HDAC9: variants seen among roughly 807,000 people sequenced by gnomAD.
HDAC9 encodes MEF-2 interacting transcription repressor (MITR) protein.
In HDAC9, 41 loss-of-function variants were observed where a neutral mutation model predicts 139.4. That is an observed-to-expected ratio of 0.29 (90% CI 0.23 to 0.38). The LOEUF (loss-of-function observed/expected upper bound fraction) is 0.38, where lower values mean the gene tolerates loss of function less well. Among genes scored for constraint, HDAC9 ranks in the 10% least tolerant of loss-of-function variants. The probability of loss-of-function intolerance (pLI) is 1.00; values close to 1 mark genes in which losing one functional copy is unlikely to be tolerated. For missense variants in HDAC9, 1,147 were observed against 1,297.0 expected, an observed-to-expected ratio of 0.88 and a Z score of 1.78; for synonymous variants, 517 against 476.2, an observed-to-expected ratio of 1.09 and a Z score of -1.12.
chr7:18,464,923 A>G (rs1272511576), intron 1 of HDAC9, among the ~76,000 whole-genome samples: 1 of 152,024 alleles, frequency 6.6e-6, no homozygotes, highest in African/African-American at 2.4e-5. Flanking sequence ...CCAAGGGTCA[A>G]TGTGATACCA....
At chr7:18,239,129 G>GT (rs913836315) in intron 2 of HDAC9, among the ~76,000 whole-genome samples, 5 of 151,518 alleles carry the variant, frequency 3.3e-5, no homozygotes, top group Admixed American at 1.3e-4. Flanking sequence ...TCTTATTTTT[G>GT]TTTTTTTTTT....
intron 1 of HDAC9, among the ~76,000 whole-genome samples, chr7:18,341,478 A>G (rs1196533484): frequency 6.6e-6 from 1 of 151,576 alleles, no homozygotes; most frequent in Non-Finnish European, 1.5e-5. Flanking sequence ...CTGTTGCTGT[A>G]TCTTCAGGTA....
At chr7:18,629,279 T>TTAA in intron 6 of HDAC9, 71 bp from the exon 7 acceptor site, 1 of 1,330,444 alleles carries the variant, frequency 7.5e-7, no homozygotes, top group Non-Finnish European at 1.0e-6. Context: ...TTTTTTTTTT[T>TTAA]AACACATGAG....
At chr7:18,270,294 T>TAAA (rs34590978) in intron 2 of HDAC9, among the ~76,000 whole-genome samples, 11 of 148,298 alleles carry the variant, frequency 7.4e-5, no homozygotes, top group African/African-American at 1.5e-4. Flanking sequence ...TTGTAGAAAT[T>TAAA]AAACAAAAAA....
intron 1 of HDAC9, among the ~76,000 whole-genome samples, chr7:18,093,120 A>G (rs1782271517): frequency 6.6e-6 from 1 of 152,180 alleles, no homozygotes; most frequent in Non-Finnish European, 1.5e-5. Context: ...CCTGTGCTCT[A>G]AGCACTTTGC....
At chr7:18,986,980 G>C (rs949551825) in intron 25 of HDAC9, among the ~76,000 whole-genome samples, 6 of 152,106 alleles carry the variant, frequency 3.9e-5, no homozygotes, top group Admixed American at 6.6e-5. Flanking sequence ...GAGAGAATGG[G>C]GTTTTCTAGA....
intron 1 of HDAC9, among the ~76,000 whole-genome samples, chr7:18,467,062 A>G (rs1398071751): frequency 6.6e-6 from 1 of 152,184 alleles, no homozygotes; most frequent in Non-Finnish European, 1.5e-5. Flanking sequence ...TCTGCCCACA[A>G]GACCCATCTG....
chr7:18,862,154 C>G (rs969920065), intron 21 of HDAC9, among the ~76,000 whole-genome samples: 2 of 152,190 alleles, frequency 1.3e-5, no homozygotes, highest in Admixed American at 6.5e-5. Flanking sequence ...GAAAGACACA[C>G]TTTAGAATCG....
chr7:18,508,070 T>C (rs554661991), intron 2 of HDAC9, among the ~76,000 whole-genome samples: 14 of 152,270 alleles, frequency 9.2e-5, no homozygotes, highest in African/African-American at 3.4e-4. Context: ...ACCAACCATA[T>C]GACACAGAAG....
chr7:18,312,703 G>C (rs549916058), intron 1 of HDAC9, among the ~76,000 whole-genome samples: 1 of 152,200 alleles, frequency 6.6e-6, no homozygotes, highest in East Asian at 1.9e-4. Context: ...TGTTGAATTA[G>C]GTCAGGTTTG....
intron 6 of HDAC9, among the ~76,000 whole-genome samples, chr7:18,595,978 A>C (rs1039349966): frequency 1.3e-5 from 2 of 152,086 alleles, no homozygotes; most frequent in African/African-American, 4.8e-5. Flanking sequence ...AATCCTTCTC[A>C]GGATATATAT....
rs552061288 is a variant in HDAC9, at chr7:18,882,411, C to T, written c.2803+7815C>T. Among the ~76,000 whole-genome samples, 21 of 152,080 alleles carry T rather than the reference C, an allele frequency of 1.4e-4. No individual in the cohort carries two copies. The South Asian group carries it at 3.5e-3, about 26-fold the overall frequency. ...TAACAGTGGGCCTTGGGCAAAAGTG[C>T]GGAGACCCAGCTGTTAACACCTGCT... On this transcript the variant is annotated intron_variant, in intron 22 of 25. Transcript: ENST00000686413.
intron 1 of HDAC9, among the ~76,000 whole-genome samples, chr7:18,124,532 C>G (rs1328599620): frequency 3.9e-5 from 6 of 152,248 alleles, no homozygotes; most frequent in South Asian, 2.1e-4. Flanking sequence ...TCCCAGATAT[C>G]TTATGTTTTT....
At chr7:18,915,978 CTT>C (rs1803159540) in intron 22 of HDAC9, among the ~76,000 whole-genome samples, 1 of 142,890 alleles carries the variant, frequency 7.0e-6, no homozygotes, top group Non-Finnish European at 1.5e-5. Context: ...GCCTTTGTGA[CTT>C]TTTCTGTACT....
chr7:18,538,676 A>G (rs1359121779), intron 2 of HDAC9, among the ~76,000 whole-genome samples: 1 of 152,200 alleles, frequency 6.6e-6, no homozygotes, highest in East Asian at 1.9e-4. Flanking sequence ...TATGCTTGCA[A>G]TAGCATAGTC....
At chr7:18,261,095 G>C (rs186976044) in intron 2 of HDAC9, among the ~76,000 whole-genome samples, 1 of 152,020 alleles carries the variant, frequency 6.6e-6, no homozygotes, top group Non-Finnish European at 1.5e-5. Context: ...TTGAGCCTAG[G>C]AGTTTGAGAC....
chr7:18,342,837 T>C (rs1030963050), intron 1 of HDAC9, among the ~76,000 whole-genome samples: 1 of 151,858 alleles, frequency 6.6e-6, no homozygotes, highest in Non-Finnish European at 1.5e-5. Context: ...TTAAACAAGC[T>C]GAATATTTGC....
intron 1 of HDAC9, among the ~76,000 whole-genome samples, chr7:18,431,133 G>C (rs1055729454): frequency 6.6e-6 from 1 of 152,018 alleles, no homozygotes; most frequent in Admixed American, 6.6e-5. Flanking sequence ...GCCTTGTGAT[G>C]CACCTACTGT....
chr7:18,651,964 G>T (rs112375776), intron 11 of HDAC9, among the ~76,000 whole-genome samples: 2 of 152,076 alleles, frequency 1.3e-5, no homozygotes, highest in African/African-American at 2.4e-5. Flanking sequence ...ATTTATCTCT[G>T]CTCATGAGTT....
Sources: allele counts gnomAD v4.1 joint callset (sites outside exome capture counted in the v4.1 genomes callset), GRCh38; gene constraint gnomAD v4.1.1; transcripts MANE v1.5; gene names NCBI Gene and HGNC (gene_info 2026-07-23, HGNC 2026-07-21).